KLF7: variants seen among roughly 807,000 people sequenced by gnomAD.
KLF7 encodes Krueppel-like factor 7.
KLF7 carries 2 observed loss-of-function variants against 27.3 expected under a neutral mutation model. The ratio of observed to expected loss-of-function variants is 0.07; its 90% CI spans 0.03 to 0.23. The LOEUF (loss-of-function observed/expected upper bound fraction) is 0.23, where lower values mean the gene tolerates loss of function less well. Among genes scored for constraint, KLF7 ranks in the 10% least tolerant of loss-of-function variants. The pLI is 1.00. For synonymous variants in KLF7, 165 were observed against 162.4 expected (o/e 1.02, Z -0.12); for missense variants, 221 against 394.1 (o/e 0.56, Z 3.72).
At chr2:207,106,327 C>G (rs73062797) in intron 2 of KLF7, among the ~76,000 whole-genome samples, 6,076 of 152,248 alleles carry the variant, frequency 0.04, 332 homozygotes, top group African/African-American at 0.12. Context: ...ACAACTTCTA[C>G]GAGGTTCTAC....
chr2:207,128,622 C>A (rs192943370), intron 1 of KLF7, among the ~76,000 whole-genome samples: 18 of 152,274 alleles, frequency 1.2e-4, no homozygotes, highest in Admixed American at 1.0e-3. Context: ...GCCATATGAT[C>A]AAAATTAGCA....
In KLF7 at chr2:207,088,444, C is replaced by G. The variant is rs2076439579; in HGVS notation, c.857+14G>C. On this transcript the variant is annotated intron_variant, in intron 3 of 3. Coordinates refer to ENST00000309446, the MANE Select transcript of KLF7 (RefSeq NM_003709.4). ...TCTCTCCTCCCTAGCCCATCAACTT[C>G]TACTTCTCTTTACCTGTCGCAGTGG... 2 of 1,612,888 alleles carry G rather than the reference C, an allele frequency of 1.2e-6. No homozygotes were observed. Among genetic ancestry groups the G allele is most frequent in the Non-Finnish European group, 8.5e-7 (1 of 1,179,152 alleles).
chr2:207,084,399 A>T (rs375758230), intron 3 of KLF7, among the ~76,000 whole-genome samples: 10 of 152,316 alleles, frequency 6.6e-5, no homozygotes, highest in Admixed American at 5.2e-4. Context: ...ATTTAGCAAT[A>T]TATGTATAAG....
chr2:207,171,183 T>C (rs1488377112), upstream of KLF7, among the ~76,000 whole-genome samples: 1 of 151,632 alleles, frequency 6.6e-6, no homozygotes, highest in Non-Finnish European at 1.5e-5. Flanking sequence ...GTGGAGAAAG[T>C]AACTGCAGAT....
chr2:207,129,615 A>C (rs1479676959), intron 1 of KLF7, among the ~76,000 whole-genome samples: 1 of 152,074 alleles, frequency 6.6e-6, no homozygotes, highest in Non-Finnish European at 1.5e-5. Context: ...TAGCATTCTC[A>C]CTTGTTGCAA....
At chr2:207,159,129 T>C (rs931509084) in intron 1 of KLF7, among the ~76,000 whole-genome samples, 1 of 152,242 alleles carries the variant, frequency 6.6e-6, no homozygotes, top group African/African-American at 2.4e-5. Context: ...CCTCAGGAAA[T>C]GTCAATACAC....
At position 207,122,832 on chromosome 2, in the gene KLF7, T is replaced by C. The variant is rs183705891; in HGVS notation, c.733+942A>G. ...TTCAGCTCGCAGTGTGCAAACAGTA[T>C]GCAAAAACCATACAGGTAGCACACT... On this transcript the variant is annotated intron_variant, in intron 2 of 3. Transcript: ENST00000309446. Among the ~76,000 whole-genome samples, 104 of 152,218 alleles carry C rather than the reference T, an allele frequency of 6.8e-4. No individual in the cohort carries two copies. In the Middle Eastern group the frequency reaches 0.01, roughly 15 times the overall value.
At chr2:207,098,555 A>G (rs530019703) in intron 2 of KLF7, among the ~76,000 whole-genome samples, 8 of 152,260 alleles carry the variant, frequency 5.3e-5, no homozygotes, top group Non-Finnish European at 7.4e-5. Context: ...TTGTTTTCAA[A>G]TGTAAAGATC....
At chr2:207,159,211 C>T (rs1161259898) in intron 1 of KLF7, among the ~76,000 whole-genome samples, 1 of 152,218 alleles carries the variant, frequency 6.6e-6, no homozygotes, top group Non-Finnish European at 1.5e-5. Flanking sequence ...CCGAATGGCA[C>T]AGACATGGGC....
chr2:207,145,147 T>C (rs2078063419), intron 1 of KLF7, among the ~76,000 whole-genome samples: 1 of 152,256 alleles, frequency 6.6e-6, no homozygotes, highest in Non-Finnish European at 1.5e-5. Context: ...GCTGCTTACA[T>C]GTATACAGAC....
chr2:207,149,688 G>C (rs187534060), intron 1 of KLF7, among the ~76,000 whole-genome samples: 1 of 152,368 alleles, frequency 6.6e-6, no homozygotes, highest in African/African-American at 2.4e-5. Flanking sequence ...TAAGCAGGAT[G>C]TAAATCTCAA....
intron 1 of KLF7, among the ~76,000 whole-genome samples, chr2:207,152,508 A>G (rs1442517004): frequency 6.6e-6 from 1 of 152,220 alleles, no homozygotes; most frequent in African/African-American, 2.4e-5. Flanking sequence ...AAATGTTACA[A>G]ATACCAATAA....
chr2:207,074,241 A>G lies in KLF7; in HGVS notation c.*6972T>C, dbSNP rs1016411298. 1.9e-4 allele frequency: 29 copies of G among 152,182 alleles called. No individual in the cohort carries two copies. The highest frequency in any genetic ancestry group is 6.8e-4 in the African/African-American group (28 of 41,438). 9.4% of individuals were successfully genotyped at this position (152,182 alleles called of 1,614,324 possible). On this transcript the variant is annotated 3_prime_UTR_variant, in exon 4 of 4. Coordinates refer to ENST00000309446, the MANE Select transcript of KLF7 (RefSeq NM_003709.4). Reference sequence around the variant, plus strand: ...ACTTCTGTAAGTCCAAAGAATGCAAAGAAAGCTTGACTACTGCTGTGTCCC... The same window carrying G: ...ACTTCTGTAAGTCCAAAGAATGCAAGGAAAGCTTGACTACTGCTGTGTCCC...
At chr2:207,130,848 T>TA (rs1197669205) in intron 1 of KLF7, among the ~76,000 whole-genome samples, 2 of 152,194 alleles carry the variant, frequency 1.3e-5, no homozygotes, top group Non-Finnish European at 2.9e-5. Context: ...AGTTAGTAAG[T>TA]AAAAAAACAA....
intron 1 of KLF7, among the ~76,000 whole-genome samples, chr2:207,132,837 C>T (rs2077673874): frequency 6.6e-6 from 1 of 152,236 alleles, no homozygotes; most frequent in African/African-American, 2.4e-5. Context: ...ATGCATTTTC[C>T]TCATTCATTA....
chr2:207,155,627 C>T (rs1194490639), intron 1 of KLF7, among the ~76,000 whole-genome samples: 1 of 152,090 alleles, frequency 6.6e-6, no homozygotes, highest in East Asian at 1.9e-4. Context: ...AAGCAAGAAC[C>T]TTGAGAAGGG....
At chr2:207,149,144 T>C in intron 1 of KLF7, 2 of 1,288,070 alleles carry the variant, frequency 1.6e-6, no homozygotes, top group Middle Eastern at 2.1e-4. Flanking sequence ...GTTGATTTCA[T>C]AGTCAATAAT....
intron 2 of KLF7, among the ~76,000 whole-genome samples, chr2:207,112,849 C>T (rs749469649): frequency 6.6e-6 from 1 of 152,224 alleles, no homozygotes; most frequent in Non-Finnish European, 1.5e-5. Context: ...TTAGATTTTG[C>T]ATCACATTTG....
chr2:207,112,592 A>G (rs538886310), intron 2 of KLF7, among the ~76,000 whole-genome samples: 1 of 152,208 alleles, frequency 6.6e-6, no homozygotes, highest in South Asian at 2.1e-4. Context: ...GAGTTTTCTC[A>G]ATAAAACAGC....
Sources: allele counts gnomAD v4.1 joint callset (sites outside exome capture counted in the v4.1 genomes callset), GRCh38; gene constraint gnomAD v4.1.1; transcripts MANE v1.5; gene names NCBI Gene and HGNC (gene_info 2026-07-23, HGNC 2026-07-21).